CDH13: variants seen among roughly 807,000 people sequenced by gnomAD.
The protein encoded by CDH13 is cadherin 13.
In CDH13, 24 loss-of-function variants were observed where a neutral mutation model predicts 63.8. The observed-to-expected ratio is 0.38, with a 90% CI of 0.27 to 0.53. The LOEUF (loss-of-function observed/expected upper bound fraction) is 0.53. Ranked by LOEUF, CDH13 falls within the 20% of genes least tolerant of loss-of-function variation. CDH13 has a pLI of 0.85. For synonymous variants in CDH13, 503 were observed against 355.3 expected (o/e 1.42, Z -4.67); for missense variants, 1,049 against 903.1 (o/e 1.16, Z -2.07).
At chr16:83,548,351 G>A (rs1441183003) in intron 7 of CDH13, among the ~76,000 whole-genome samples, 2 of 152,078 alleles carry the variant, frequency 1.3e-5, no homozygotes, top group South Asian at 2.1e-4. Flanking sequence ...GGTGGGAAGG[G>A]GATGCTACTA....
intron 1 of CDH13, among the ~76,000 whole-genome samples, chr16:82,814,755 A>T (rs2037618588): frequency 6.6e-6 from 1 of 152,130 alleles, no homozygotes; most frequent in Admixed American, 6.5e-5. Flanking sequence ...GGGTTGTGGG[A>T]ACTCCAATTT....
intron 6 of CDH13, among the ~76,000 whole-genome samples, chr16:83,485,406 A>C (rs185767501): frequency 6.6e-6 from 1 of 152,296 alleles, no homozygotes; most frequent in African/African-American, 2.4e-5. Flanking sequence ...ACATAATCCA[A>C]CACTCCACAT....
intron 2 of CDH13, among the ~76,000 whole-genome samples, chr16:82,865,457 C>G (rs2040096562): frequency 6.6e-6 from 1 of 152,238 alleles, no homozygotes. Context: ...TTCCGTGCAC[C>G]TGCAGGCCCA....
At chr16:83,003,118 G>A (rs1376907519) in intron 2 of CDH13, among the ~76,000 whole-genome samples, 1 of 152,176 alleles carries the variant, frequency 6.6e-6, no homozygotes, top group Non-Finnish European at 1.5e-5. Flanking sequence ...CCCCAACACT[G>A]GAATGACTTA....
At chr16:82,840,462 C>A (rs942002657) in intron 1 of CDH13, among the ~76,000 whole-genome samples, 2 of 151,300 alleles carry the variant, frequency 1.3e-5, no homozygotes, top group Admixed American at 6.6e-5. Flanking sequence ...GTGGACAGAT[C>A]ATTTGAGGTC....
chr16:83,194,391 G>T (rs2151758901), intron 4 of CDH13, among the ~76,000 whole-genome samples: 1 of 152,292 alleles, frequency 6.6e-6, no homozygotes. Flanking sequence ...AAACCACATT[G>T]TTTTCCTGTC....
intron 2 of CDH13, among the ~76,000 whole-genome samples, chr16:83,011,792 A>G (rs1914186017): frequency 6.6e-6 from 1 of 152,164 alleles, no homozygotes; most frequent in Non-Finnish European, 1.5e-5. Context: ...AAACTTCTAC[A>G]GCCAAACCCA....
chr16:83,660,098 T>C (rs1399787541), intron 8 of CDH13, among the ~76,000 whole-genome samples: 1 of 152,066 alleles, frequency 6.6e-6, no homozygotes, highest in African/African-American at 2.4e-5. Context: ...ATCCACAACC[T>C]TTTTGGCACC....
intron 7 of CDH13, among the ~76,000 whole-genome samples, chr16:83,550,047 A>C (rs1213788023): frequency 1.3e-5 from 2 of 152,220 alleles, no homozygotes; most frequent in Non-Finnish European, 2.9e-5. Context: ...GCTGCTCAAA[A>C]TTGGGGATGC....
chr16:83,737,502 T>C (rs183371134), intron 10 of CDH13, among the ~76,000 whole-genome samples: 5 of 152,178 alleles, frequency 3.3e-5, no homozygotes, highest in Admixed American at 2.6e-4. Context: ...ATCTATGTAA[T>C]AGGGTTCTTT....
At chr16:82,848,622 G>A (rs2039361055) in intron 1 of CDH13, among the ~76,000 whole-genome samples, 1 of 150,198 alleles carries the variant, frequency 6.7e-6, no homozygotes, top group Non-Finnish European at 1.5e-5. Flanking sequence ...CATATAAGAT[G>A]CCAAACTTAA....
At chr16:83,425,612 A>G (rs1364276266) in intron 6 of CDH13, among the ~76,000 whole-genome samples, 1 of 152,118 alleles carries the variant, frequency 6.6e-6, no homozygotes, top group East Asian at 1.9e-4. Flanking sequence ...TTGCCTTTGG[A>G]GCTTTCACTT....
chr16:83,099,086 A>C lies in CDH13; in HGVS notation c.367-26299A>C, dbSNP rs576755093. Among the ~76,000 whole-genome samples, 129 of 152,274 alleles carry C rather than the reference A, an allele frequency of 8.5e-4. 1 individual carries two copies. Among genetic ancestry groups the C allele is most frequent in the African/African-American group, 2.7e-3 (114 of 41,578 alleles). On this transcript the variant is annotated intron_variant, in intron 3 of 13. Coordinates refer to ENST00000567109, the MANE Select transcript of CDH13 (RefSeq NM_001257.5). ...CATATATATGCACATACACACCCAC[A>C]CACACATACATAAAGATAGTGTTCA... is the stretch of plus-strand genomic sequence containing the variant.
chr16:83,258,127 A>G (rs1028161441), intron 5 of CDH13, among the ~76,000 whole-genome samples: 1 of 152,202 alleles, frequency 6.6e-6, no homozygotes, highest in African/African-American at 2.4e-5. Flanking sequence ...TTTGGGGGCT[A>G]TTTCTGATTT....
chr16:83,063,446 G>C (rs1284723683), intron 3 of CDH13, among the ~76,000 whole-genome samples: 1 of 152,156 alleles, frequency 6.6e-6, no homozygotes, highest in South Asian at 2.1e-4. Flanking sequence ...AGATTGGCAA[G>C]GAATGTGCAG....
rs565246389 is a variant in CDH13 at position 83,173,326 on chromosome 16, G to T, written c.484-44019G>T. On this transcript the variant is annotated intron_variant, in intron 4 of 13. Transcript: ENST00000567109. ...GTTCTCAAAAGTTTAGAAGGTATTT[G>T]TTAAAGAGAATTGGAATATTTGCTA... Among the ~76,000 whole-genome samples the T allele has an allele frequency of 9.5e-4, 145 of 152,196 alleles. 1 individual carries two copies. Among genetic ancestry groups the T allele is most frequent in the Admixed American group, 1.4e-3 (21 of 15,272 alleles).
chr16:83,766,215 A>T (rs570811821), intron 11 of CDH13, among the ~76,000 whole-genome samples: 1 of 152,298 alleles, frequency 6.6e-6, no homozygotes, highest in East Asian at 1.9e-4. Flanking sequence ...CAAGGGTTAG[A>T]TTAGGAAGGA....
At chr16:83,372,507 A>G (rs2091386547) in intron 6 of CDH13, among the ~76,000 whole-genome samples, 1 of 152,054 alleles carries the variant, frequency 6.6e-6, no homozygotes. Flanking sequence ...TTATCCTAGC[A>G]CTTTGGGAAG....
intron 4 of CDH13, among the ~76,000 whole-genome samples, chr16:83,209,334 A>G (rs1250559624): frequency 6.6e-6 from 1 of 152,166 alleles, no homozygotes; most frequent in African/African-American, 2.4e-5. Flanking sequence ...ACAAGGAAGG[A>G]GCCTCCAGGT....
Sources: gnomAD v4.1 joint callset for allele counts (sites outside exome capture counted in the v4.1 genomes callset) on GRCh38, gnomAD v4.1.1 for gene constraint, MANE v1.5 for transcripts, NCBI Gene and HGNC (gene_info 2026-07-23, HGNC 2026-07-21) for gene names.